Variants in CDKL5 observed in about 807,000 individuals in gnomAD.
CDKL5 encodes cyclin-dependent kinase-like 5.
A neutral mutation model predicts 61.7 loss-of-function variants in CDKL5; 8 were observed. The observed-to-expected ratio is 0.13, with a 90% CI of 0.08 to 0.23. The LOEUF is 0.23. CDKL5 is among the 10% of genes least tolerant of loss of function. CDKL5 has a pLI of 1.00. For missense variants in CDKL5, 440 were observed against 734.5 expected, an observed-to-expected ratio of 0.60 and a Z score of 4.63; for synonymous variants, 275 against 272.3, an observed-to-expected ratio of 1.01 and a Z score of -0.10.
At chrX:18,486,741 C>G (rs1204640204) in intron 1 of CDKL5, among the ~76,000 whole-genome samples, 1 of 111,687 alleles carries the variant, frequency 9.0e-6, no homozygotes, top group African/African-American at 3.3e-5. Flanking sequence ...GATTGGTTCC[C>G]TTCAATCAAG....
chrX:18,431,488 C>T (rs1267044037), intron 1 of CDKL5, among the ~76,000 whole-genome samples: 3 of 104,520 alleles, frequency 2.9e-5, no homozygotes, highest in Non-Finnish European at 5.8e-5. Flanking sequence ...GTGGCGCGGT[C>T]TCGGCTCACT....
chrX:18,611,901 A>G (rs1223953678), intron 14 of CDKL5, among the ~76,000 whole-genome samples: 1 of 111,963 alleles, frequency 8.9e-6, no homozygotes, highest in African/African-American at 3.2e-5. Context: ...GAAATAACAG[A>G]TGTTTCCAGA....
intron 17 of CDKL5, chrX:18,626,707 TCTCTCTCTCTCTCTCTCC>T (rs1927060139): frequency 2.2e-5 from 1 of 45,170 alleles, no homozygotes; most frequent in Non-Finnish European, 3.9e-5. Flanking sequence ...TCTCTCTCTC[TCTCTCTCTCTCTCTCTCC>T]CCCCTCTCTC....
downstream of CDKL5, chrX:18,642,225 G>A: frequency 9.1e-7 from 1 of 1,095,300 alleles, no homozygotes; most frequent in Non-Finnish European, 1.3e-6. Flanking sequence ...TTCCTTTCTG[G>A]AGCTAGCCCC....
intron 1 of CDKL5, among the ~76,000 whole-genome samples, chrX:18,488,346 A>G (rs1921865339): frequency 9.0e-6 from 1 of 111,233 alleles, no homozygotes; most frequent in Non-Finnish European, 1.9e-5. Flanking sequence ...TTTGCCATAT[A>G]TTGGGGGTGT....
chrX:18,454,972 AACCTCT>A (rs1932111119), intron 1 of CDKL5, among the ~76,000 whole-genome samples: 1 of 98,697 alleles, frequency 1.0e-5, no homozygotes, highest in Non-Finnish European at 2.0e-5. Context: ...GGGTCACTGC[AACCTCT>A]GCCTCAGCCT....
In CDKL5 at chrX:18,632,282, G is replaced by A; in HGVS notation, c.*3525G>A. 6.6e-6 allele frequency: 5 copies of A among 753,689 alleles called. No individual in the cohort carries two copies. The highest frequency in any genetic ancestry group is 1.3e-4 in the South Asian group (2 of 14,868). The allele number at this position is 753,689 out of a possible 1,213,427, so 62.1% of individuals were successfully genotyped here. ...TCCATTGTCTTGGGCCTGCTAAAAG[G>A]TGCATACTTTGGAAGGAGACCAGAG... On this transcript the variant is annotated 3_prime_UTR_variant, in exon 18 of 18. Transcript: ENST00000623535.
At chrX:18,488,856 T>G (rs1921884237) in intron 1 of CDKL5, among the ~76,000 whole-genome samples, 1 of 111,947 alleles carries the variant, frequency 8.9e-6, no homozygotes. Context: ...TAACCAGCAT[T>G]AATGTTAAAA....
At position 18,650,176 on chromosome X, in the gene CDKL5, G is replaced by T. The variant is rs192574576; in HGVS notation, c.2798-234G>T. 51 of 450,624 alleles carry T rather than the reference G, an allele frequency of 1.1e-4. No individual in the cohort carries two copies. The African/African-American group carries it at 1.1e-3, about 10-fold the overall frequency. 37.1% of individuals were successfully genotyped at this position (450,624 alleles called of 1,213,427 possible). A position where few individuals can be genotyped will look rare whatever the true frequency, so the allele number is the denominator to read the frequency against. ...CCAGAGCGGTCTGTAGCCCTGCAGG[G>T]GTACCTGGCCAGGGCCAATGGCCTT... On this transcript the variant is annotated intron_variant, in intron 20 of 21. Transcript: ENST00000379989.
chrX:18,508,336 G>A (rs189538947), intron 2 of CDKL5, among the ~76,000 whole-genome samples: 96 of 112,201 alleles, frequency 8.6e-4, no homozygotes, highest in African/African-American at 3.1e-3. Flanking sequence ...TTAATCATTG[G>A]ATGCTTGTTT....
At chrX:18,431,157 C>T (rs1278544988) in intron 1 of CDKL5, among the ~76,000 whole-genome samples, 1 of 111,542 alleles carries the variant, frequency 9.0e-6, no homozygotes, top group Admixed American at 9.6e-5. Context: ...GCCACCGCAC[C>T]TGGCGGTGAT....
At chrX:18,536,204 C>T (rs780343744) in intron 3 of CDKL5, 3 of 110,573 alleles carry the variant, frequency 2.7e-5, no homozygotes, top group East Asian at 2.9e-4. Context: ...AGAAGGAAGT[C>T]GCAGTAGAAA....
chrX:18,486,753 C>T (rs1048490302), intron 1 of CDKL5, among the ~76,000 whole-genome samples: 1 of 111,532 alleles, frequency 9.0e-6, no homozygotes, highest in Non-Finnish European at 1.9e-5. Flanking sequence ...TCAATCAAGG[C>T]ACCTTGTTGA....
chrX:18,559,588 A>G (rs1402474074), intron 3 of CDKL5, among the ~76,000 whole-genome samples: 1 of 109,685 alleles, frequency 9.1e-6, no homozygotes, highest in African/African-American at 3.3e-5. Flanking sequence ...AAGATTTACA[A>G]GCAACACATG....
At chrX:18,576,581 T>C (rs1391182478) in intron 5 of CDKL5, among the ~76,000 whole-genome samples, 1 of 110,379 alleles carries the variant, frequency 9.1e-6, no homozygotes, top group Non-Finnish European at 1.9e-5. Context: ...TGACCAGTAA[T>C]GTGGCTTTGA....
intron 20 of CDKL5, chrX:18,647,506 G>A (rs1927835605): frequency 6.2e-6 from 3 of 480,893 alleles, no homozygotes; most frequent in Non-Finnish European, 7.2e-6. Context: ...CACTACTCAC[G>A]CAAGAAAGGA....
rs1382761487 is a variant in CDKL5, at chrX:18,505,235, A to G, written c.-162-1700A>G. 6.3e-5 allele frequency among the ~76,000 whole-genome samples: 7 copies of G among 111,569 alleles called. No individual in the cohort carries two copies. The East Asian group carries it at 2.0e-3, about 31-fold the overall frequency. ...CTTTTTTCTCTTCCCTCATACACAC[A>G]TATAATTTTTCTCAGTGGTTTAAGT... On this transcript the variant is annotated intron_variant, in intron 1 of 17. Transcript: ENST00000623535.
chrX:18,524,231 G>T (rs2147104257), intron 3 of CDKL5, among the ~76,000 whole-genome samples: 1 of 111,787 alleles, frequency 8.9e-6, no homozygotes, highest in Non-Finnish European at 1.9e-5. Flanking sequence ...TTTTAAAAAT[G>T]TCCTTTAACA....
At chrX:18,498,553 T>C (rs1922263979) in intron 1 of CDKL5, among the ~76,000 whole-genome samples, 1 of 112,166 alleles carries the variant, frequency 8.9e-6, no homozygotes, top group African/African-American at 3.2e-5. Flanking sequence ...TTTTCTGATA[T>C]ATGCATATAA....
Sources: gnomAD v4.1 joint callset for allele counts (sites outside exome capture counted in the v4.1 genomes callset) on GRCh38, gnomAD v4.1.1 for gene constraint, MANE v1.5 for transcripts, NCBI Gene and HGNC (gene_info 2026-07-23, HGNC 2026-07-21) for gene names.